The following C2orf74 variants were observed in gnomAD, a reference collection of about 807,000 sequenced individuals.
The protein encoded by C2orf74 is uncharacterized protein C2orf74.
In C2orf74, 14 loss-of-function variants were observed where a neutral mutation model predicts 17.9. The observed-to-expected ratio is 0.78, with a 90% CI of 0.52 to 1.22. The LOEUF is 1.22. C2orf74 is among the 50% of genes most tolerant of loss of function. The pLI, the probability that C2orf74 is intolerant of heterozygous loss-of-function variation, is 0.00. For missense variants in C2orf74, 217 were observed against 218.4 expected (o/e 0.99, Z 0.04); for synonymous variants, 79 against 72.6 (o/e 1.09, Z -0.44).
At chr2:61,161,938 G>A (rs1685573366), upstream of C2orf74, 2 of 153,372 alleles carry the variant, frequency 1.3e-5, no homozygotes, top group Admixed American at 1.3e-4. Flanking sequence ...GATTAGGAAA[G>A]GAAAGGTGAT....
At chr2:61,148,492 G>A (rs918389364) in intron 1 of C2orf74, among the ~76,000 whole-genome samples, 1 of 152,054 alleles carries the variant, frequency 6.6e-6, no homozygotes, top group African/African-American at 2.4e-5. Context: ...GGCCTGGAAA[G>A]GAATATTTTA....
rs2103649105 is a variant in C2orf74 at position 61,163,124 on chromosome 2, A to G, written c.282A>G (p.Glu94=). ...TTCTTGTCCAGAGACAGAGTAAGGA[A>G]GTGTTGGCCACACCCTTAGAAAACA... The part of the protein sequence containing the change: ...PGILVQRQSK[E]VLATPLENRR... The change falls in exon 4 of 5, where the codon GAA becomes GAG. Residue 94 remains glutamate, a synonymous_variant. Coordinates refer to ENST00000432605, the MANE Select transcript of C2orf74 (RefSeq NM_001143959.4). The G allele has an allele frequency of 8.4e-6, 13 of 1,552,226 alleles. No homozygotes were observed. The highest frequency in any genetic ancestry group is 1.1e-5 in the Non-Finnish European group (13 of 1,147,070).
rs1406734578 is a variant in C2orf74 at position 61,162,589 on chromosome 2, G to A, written c.75G>A (p.Leu25=). 3.9e-6 allele frequency: 6 copies of A among 1,547,724 alleles called. No individual in the cohort carries two copies. The highest frequency in any genetic ancestry group is 2.4e-5 in the East Asian group (1 of 41,030). Residue 25 remains leucine, a synonymous_variant, in exon 2 of 5, where the codon TTG becomes TTA. Coordinates refer to ENST00000432605, the MANE Select transcript of C2orf74 (RefSeq NM_001143959.4). ...LICLICILLL[L]VVFLYKCFQG... ...GCCTCATTTGCATCCTCCTCTTATTGGTGGTTTTTTTATATAAATGGTATA... is the reference window on the plus strand; with the variant it reads ...GCCTCATTTGCATCCTCCTCTTATTAGTGGTTTTTTTATATAAATGGTATA...
At chr2:61,163,335 CG>C in intron 4 of C2orf74, 103 bp downstream of exon 4, 1 of 1,292,208 alleles carries the variant, frequency 7.7e-7, no homozygotes, top group Non-Finnish European at 1.0e-6. Context: ...GAGGACCGGG[CG>C]GGTGGCTCAC....
In C2orf74 at chr2:61,162,935, C is replaced by G. The variant is rs1197233590; in HGVS notation, c.189C>G (p.Ser63Arg). Residue 63 changes from serine (S) to arginine (R), a missense_variant, in exon 3 of 5, where the codon AGC (serine) becomes AGG (arginine). Physicochemically the swap from Ser to Arg is moderately radical, Grantham distance 110. Coordinates refer to ENST00000432605, the MANE Select transcript of C2orf74 (RefSeq NM_001143959.4). ...VDCAAAKVVT[S>R]NPEDHERILM... is the part of the protein sequence containing the mutation. ...GTGCAGCTGCCAAAGTGGTGACAAG[C>G]AATCCAGAGGACCATGAAAGGCGAG... The G allele has an allele frequency of 6.4e-7, 1 of 1,552,512 alleles. No homozygotes were observed. The highest frequency in any genetic ancestry group is 2.4e-5 in the East Asian group (1 of 41,058).
In C2orf74 at chr2:61,163,043, A is replaced by T. The variant is rs764966912; in HGVS notation, c.210-9A>T. 1.3e-6 allele frequency: 2 copies of T among 1,552,064 alleles called. No individual in the cohort carries two copies. Among genetic ancestry groups the T allele is most frequent in the South Asian group, 2.4e-5 (2 of 84,048 alleles). On this transcript the variant is annotated splice_polypyrimidine_tract_variant and intron_variant, in intron 3 of 4. Transcript: ENST00000432605. ...TGAATGTTTAAAACTCTACCGATTA[A>T]TTTTCTAGGATCTTAATGCAAGTCA...
intron 1 of C2orf74, among the ~76,000 whole-genome samples, chr2:61,147,566 T>G (rs148835888): frequency 7.7e-4 from 118 of 152,354 alleles, no homozygotes; most frequent in African/African-American, 2.7e-3. Flanking sequence ...TGATTTTGTT[T>G]TCACTTTGCA....
At chr2:61,159,020 C>A (rs560558117), upstream of C2orf74, among the ~76,000 whole-genome samples, 14 of 151,256 alleles carry the variant, frequency 9.3e-5, no homozygotes, top group Middle Eastern at 3.4e-3. Context: ...TGTTTTGAGA[C>A]GGGGTCTCAC....
At chr2:61,161,549 A>G (rs1685563605), upstream of C2orf74, 1 of 152,176 alleles carries the variant, frequency 6.6e-6, no homozygotes, top group South Asian at 2.1e-4. Context: ...GTTTTTGTGT[A>G]CTAAACTATC....
In C2orf74 at chr2:61,164,273, TAC is replaced by T. The variant is rs1215183164; in HGVS notation, c.391-79_391-78del. The T allele has an allele frequency of 3.5e-6, 4 of 1,153,026 alleles. No homozygotes were observed. The African/African-American group carries it at 6.4e-5, about 18-fold the overall frequency. The allele number at this position is 1,153,026 out of a possible 1,614,324, so 71.4% of individuals were successfully genotyped here. A position where few individuals can be genotyped will look rare whatever the true frequency, so the allele number is the denominator to read the frequency against. On this transcript the variant is annotated intron_variant, in intron 4 of 4. Transcript: ENST00000432605. ...TGCTTTTTCTGTTTCTCGTTAAGTG[TAC>T]ATATAACCTGTAATTTTAAAAGCAG...
chr2:61,149,327 T>A lies in C2orf74; in HGVS notation c.-122+4131T>A, dbSNP rs117321586. Among the ~76,000 whole-genome samples the A allele has an allele frequency of 3.8e-3, 571 of 152,216 alleles. 5 individuals carry two copies. The highest frequency in any genetic ancestry group is 0.036 in the East Asian group (187 of 5,166). On this transcript the variant is annotated intron_variant, in intron 1 of 3. Coordinates refer to the C2orf74 transcript ENST00000426997. ...GCCATAGATGTGTCCTGCTATAACTTTGTAGTCCTGGATGCTGTAATAAGG... is the reference window on the plus strand; with the variant it reads ...GCCATAGATGTGTCCTGCTATAACTATGTAGTCCTGGATGCTGTAATAAGG...
At chr2:61,162,116 C>G (rs746280553), upstream of C2orf74, 5 of 192,046 alleles carry the variant, frequency 2.6e-5, no homozygotes, top group Non-Finnish European at 5.4e-5. Context: ...CTCTCTAACT[C>G]AAGGGCTCCA....
chr2:61,154,310 C>G (rs909331095), intron 1 of C2orf74, among the ~76,000 whole-genome samples: 1 of 151,592 alleles, frequency 6.6e-6, no homozygotes. Flanking sequence ...TATACTTGAT[C>G]AGTGCTTTAC....
chr2:61,164,297 G>A, intron 4 of C2orf74, 57 bp from the exon 5 acceptor site: 1 of 1,383,380 alleles, frequency 7.2e-7, no homozygotes, highest in Non-Finnish European at 9.5e-7. Context: ...AATTTTAAAA[G>A]CAGGGCTTGT....
chr2:61,157,983 C>T (rs975516626), upstream of C2orf74: 4 of 471,114 alleles, frequency 8.5e-6, no homozygotes, highest in Non-Finnish European at 1.8e-5. Context: ...ACCCTCTGGC[C>T]ACCATAGCAA....
chr2:61,162,841 GT>G lies in C2orf74; in HGVS notation c.98del (p.Phe33SerfsTer21), dbSNP rs747581974. Reference sequence around the variant, plus strand: ...TGAATTTGTGGCTTGTTTGTTTTCAGTTTCCAAGGCAGGAAAGGTAAAGAGA... The same window carrying G: ...TGAATTTGTGGCTTGTTTGTTTTCAGTTCCAAGGCAGGAAAGGTAAAGAGA... Reference protein sequence around the residue: ...LLLLVVFLYKCFQGRKGKETK... With the variant: ...LLLLVVFLYKXFQGRKGKETK... On this transcript the variant is annotated frameshift_variant and splice_region_variant, in exon 3 of 5. Coordinates refer to ENST00000432605, the MANE Select transcript of C2orf74 (RefSeq NM_001143959.4). LOFTEE classifies it high-confidence loss of function. 5.8e-6 allele frequency: 9 copies of G among 1,551,236 alleles called. No homozygotes were observed. In the African/African-American group the frequency reaches 1.2e-4, roughly 21 times the overall value.
At chr2:61,157,698 G>A (rs1472807021), upstream of C2orf74, among the ~76,000 whole-genome samples, 1 of 152,164 alleles carries the variant, frequency 6.6e-6, no homozygotes, top group Admixed American at 6.5e-5. Context: ...GGTTAATTAA[G>A]CTGATTTAGA....
chr2:61,147,977 C>T lies in C2orf74; in HGVS notation c.-122+2781C>T, dbSNP rs1006227243. Among the ~76,000 whole-genome samples, 21 of 151,558 alleles carry T rather than the reference C, an allele frequency of 1.4e-4. 1 individual carries two copies. The highest frequency in any genetic ancestry group is 4.9e-4 in the African/African-American group (20 of 41,208). ...AGAGATGGGGTTTTGCCATGTTGCC[C>T]AGGCTGGTCTCAAACTCCTGACCTC... On this transcript the variant is annotated intron_variant, in intron 1 of 3. Transcript: ENST00000426997.
At chr2:61,159,070 C>T (rs976448190), upstream of C2orf74, among the ~76,000 whole-genome samples, 2 of 152,088 alleles carry the variant, frequency 1.3e-5, no homozygotes, top group African/African-American at 2.4e-5. Context: ...AATCTCAGCT[C>T]ACTGCAACCT....
Sources: allele counts gnomAD v4.1 joint callset (sites outside exome capture counted in the v4.1 genomes callset), GRCh38; gene constraint gnomAD v4.1.1; transcripts MANE v1.5; gene names NCBI Gene and HGNC (gene_info 2026-07-23, HGNC 2026-07-21).